Variants in SMAD6 observed in about 807,000 individuals in gnomAD.
The protein encoded by SMAD6 is SMAD family member 6, also known as MAD homolog 6.
Under a neutral mutation model 39.4 loss-of-function variants are expected in SMAD6, and 103 were observed. That is an observed-to-expected ratio of 2.62 (90% CI 2.23 to 3.08). The LOEUF is 3.08. Among genes scored for constraint, SMAD6 ranks in the 30% most tolerant of loss-of-function variants. SMAD6 has a pLI of 0.00. For synonymous variants in SMAD6, 445 were observed against 353.3 expected (o/e 1.26, Z -2.91); for missense variants, 1,104 against 742.9 (o/e 1.49, Z -5.65).
intron 3 of SMAD6, among the ~76,000 whole-genome samples, chr15:66,729,335 G>A (rs952238035): frequency 6.6e-6 from 1 of 152,192 alleles, no homozygotes; most frequent in African/African-American, 2.4e-5. Flanking sequence ...AAAACAAAAA[G>A]GAGAAAAGAG....
intron 3 of SMAD6, among the ~76,000 whole-genome samples, chr15:66,744,334 A>T (rs1486897156): frequency 6.6e-6 from 1 of 152,196 alleles, no homozygotes; most frequent in African/African-American, 2.4e-5. Context: ...GCCATCTGGG[A>T]ATGCACTAAA....
intron 3 of SMAD6, among the ~76,000 whole-genome samples, chr15:66,750,676 G>C (rs980922613): frequency 6.6e-6 from 1 of 152,188 alleles, no homozygotes; most frequent in Non-Finnish European, 1.5e-5. Flanking sequence ...GGGAAGGGAA[G>C]AGAAGGGGCC....
intron 3 of SMAD6, among the ~76,000 whole-genome samples, chr15:66,777,785 A>G (rs1320772353): frequency 1.3e-5 from 2 of 152,202 alleles, no homozygotes; most frequent in Non-Finnish European, 2.9e-5. Context: ...CATGGCCAGG[A>G]GCGCAGGCCT....
At chr15:66,746,301 G>C (rs1893906658) in intron 3 of SMAD6, among the ~76,000 whole-genome samples, 1 of 152,192 alleles carries the variant, frequency 6.6e-6, no homozygotes, top group Non-Finnish European at 1.5e-5. Context: ...CCCTCAAAAG[G>C]CTGCATGACC....
chr15:66,751,331 G>T (rs374677252), intron 3 of SMAD6, among the ~76,000 whole-genome samples: 4 of 152,082 alleles, frequency 2.6e-5, no homozygotes. Context: ...GAACCTACTC[G>T]CCCACCAATT....
chr15:66,726,358 A>G (rs918576266), intron 3 of SMAD6, among the ~76,000 whole-genome samples: 1 of 152,196 alleles, frequency 6.6e-6, no homozygotes, highest in African/African-American at 2.4e-5. Flanking sequence ...CAGACTGCAC[A>G]GAGAGGCCAA....
At chr15:66,758,290 G>T (rs4776829) in intron 3 of SMAD6, among the ~76,000 whole-genome samples, 1 of 152,024 alleles carries the variant, frequency 6.6e-6, no homozygotes, top group Non-Finnish European at 1.5e-5. Context: ...CCCCATCCCA[G>T]TCTTCTCTTG....
intron 3 of SMAD6, among the ~76,000 whole-genome samples, chr15:66,777,140 G>A (rs1488325882): frequency 2.0e-5 from 3 of 152,196 alleles, no homozygotes; most frequent in Admixed American, 2.0e-4. Flanking sequence ...GGTCTCACTG[G>A]ATAAGATAAT....
At chr15:66,718,111 C>CGTGTGTGTGTGTGTGT (rs57053370) in intron 3 of SMAD6, among the ~76,000 whole-genome samples, 2,294 of 137,202 alleles carry the variant, frequency 0.017, 93 homozygotes, top group African/African-American at 0.052. Context: ...ATGGAAAGTC[C>CGTGTGTGTGTGTGTGT]GTGTGTGTGT....
chr15:66,781,433 C>A lies in SMAD6; in HGVS notation c.1389C>A (p.Ser463Arg). The change falls in exon 4 of 4, where the codon AGC (serine) becomes AGA (arginine). Residue 463 changes from serine to arginine, a missense_variant. By Grantham distance (110) the Ser-to-Arg change is moderately radical. Transcript: ENST00000288840. Reference protein sequence around the residue: ...DAADGPYDPNSVRISFAKGWG... With the variant: ...DAADGPYDPNRVRISFAKGWG... The stretch of plus-strand genomic sequence containing the variant: ...CCGACGGCCCCTACGACCCCAACAG[C>A]GTCCGCATCAGCTTCGCCAAGGGCT... The A allele has an allele frequency of 1.9e-6, 3 of 1,605,272 alleles. No individual in the cohort carries two copies. The highest frequency in any genetic ancestry group is 2.5e-6 in the Non-Finnish European group (3 of 1,178,378).
chr15:66,703,151 G>C lies in SMAD6; in HGVS notation c.-108G>C. On this transcript the variant is annotated 5_prime_UTR_variant, in exon 1 of 4. Transcript: ENST00000288840. ...GCGGTCTGCACGGCGCTCCGCGGCG[G>C]AGCTTCATGTGGGGCTGCGACCCGC... The C allele has an allele frequency of 2.5e-6, 2 of 798,986 alleles. No individual in the cohort carries two copies. Among genetic ancestry groups the C allele is most frequent in the Non-Finnish European group, 3.5e-6 (2 of 565,200 alleles). The allele number at this position is 798,986 out of a possible 1,614,324, so 49.5% of individuals were successfully genotyped here. A position where few individuals can be genotyped will look rare whatever the true frequency, so the allele number is the denominator to read the frequency against.
In SMAD6 at chr15:66,703,837, GGCGGTGGAGTCCC is replaced by G. The variant is rs1233329562; in HGVS notation, c.584_596del (p.Val195AlafsTer43). ...AGCGCTCGCTGGACACGCTGCTGGAGGCGGTGGAGTCCCGCGGCGGCGTGCCGGGCGGCTGCGT... is the reference window on the plus strand; with the variant it reads ...AGCGCTCGCTGGACACGCTGCTGGAGGCGGCGGCGTGCCGGGCGGCTGCGT... On this transcript the variant is annotated frameshift_variant, in exon 1 of 4. Transcript: ENST00000288840. LOFTEE classifies it high-confidence loss of function. 2 of 1,396,724 alleles carry G rather than the reference GGCGGTGGAGTCCC, an allele frequency of 1.4e-6. No individual in the cohort carries two copies. The highest frequency in any genetic ancestry group is 4.7e-5 in the Admixed American group (2 of 42,546). 86.5% of individuals were successfully genotyped at this position (1,396,724 alleles called of 1,614,324 possible).
At chr15:66,752,838 T>C (rs1360085910) in intron 3 of SMAD6, among the ~76,000 whole-genome samples, 1 of 151,964 alleles carries the variant, frequency 6.6e-6, no homozygotes, top group African/African-American at 2.4e-5. Flanking sequence ...TTTATAAAAA[T>C]CTGAATATTT....
At chr15:66,723,529 A>G (rs1893471366) in intron 3 of SMAD6, among the ~76,000 whole-genome samples, 1 of 152,072 alleles carries the variant, frequency 6.6e-6, no homozygotes. Context: ...AAATTTAAAA[A>G]TTGGCTGGCC....
chr15:66,752,806 T>TAAA lies in SMAD6; in HGVS notation c.953-28189_953-28188insAAA, dbSNP rs145076488. Among the ~76,000 whole-genome samples the TAAA allele has an allele frequency of 3.9e-3, 591 of 151,332 alleles. 5 individuals are homozygous for TAAA. The highest frequency in any genetic ancestry group is 0.014 in the African/African-American group (560 of 41,124). ...AGTCCCCATCTCTTTAAAAAAATAA[T>TAAA]AATAAAAAAATACAGAAAGCTTTTA... is the stretch of plus-strand genomic sequence containing the variant. On this transcript the variant is annotated intron_variant, in intron 3 of 3. Coordinates refer to ENST00000288840, the MANE Select transcript of SMAD6 (RefSeq NM_005585.5).
intron 3 of SMAD6, among the ~76,000 whole-genome samples, chr15:66,772,694 G>T (rs1322558844): frequency 6.6e-6 from 1 of 152,186 alleles, no homozygotes; most frequent in African/African-American, 2.4e-5. Flanking sequence ...TTGCATCCCT[G>T]TGTTACAGGT....
At chr15:66,722,892 G>C (rs1210437348) in intron 3 of SMAD6, among the ~76,000 whole-genome samples, 1 of 152,162 alleles carries the variant, frequency 6.6e-6, no homozygotes, top group Non-Finnish European at 1.5e-5. Flanking sequence ...CAGTGTGCCA[G>C]AGTGGTTTCT....
chr15:66,758,379 G>A (rs1444739263), intron 3 of SMAD6, among the ~76,000 whole-genome samples: 2 of 152,098 alleles, frequency 1.3e-5, no homozygotes, highest in Non-Finnish European at 2.9e-5. Flanking sequence ...AGCATGGCAG[G>A]TCCAAATACT....
intron 3 of SMAD6, among the ~76,000 whole-genome samples, chr15:66,770,319 C>G (rs972942227): frequency 6.6e-6 from 1 of 152,180 alleles, no homozygotes; most frequent in Non-Finnish European, 1.5e-5. Flanking sequence ...GATGAGAACT[C>G]AGGCCCAGCC....
Sources: gnomAD v4.1 joint callset for allele counts (sites outside exome capture counted in the v4.1 genomes callset) on GRCh38, gnomAD v4.1.1 for gene constraint, MANE v1.5 for transcripts, NCBI Gene and HGNC (gene_info 2026-07-23, HGNC 2026-07-21) for gene names.